PILRA: variants seen among roughly 807,000 people sequenced by gnomAD.
PILRA encodes paired immunoglobulin-like type 2 receptor alpha.
A neutral mutation model predicts 33.1 loss-of-function variants in PILRA; 37 were observed. That is an observed-to-expected ratio of 1.12 (90% CI 0.86 to 1.47). The LOEUF (loss-of-function observed/expected upper bound fraction) is 1.47, where lower values mean the gene tolerates loss of function less well. Ranked by LOEUF, PILRA falls within the 40% of genes most tolerant of loss-of-function variation. PILRA has a pLI of 0.00. For synonymous variants in PILRA, 146 were observed against 149.9 expected, an observed-to-expected ratio of 0.97 and a Z score of 0.19; for missense variants, 312 against 376.2, an observed-to-expected ratio of 0.83 and a Z score of 1.41.
Position 100,381,245 on chromosome 7 carries a change from G to A in PILRA, c.454+6812G>A, listed in dbSNP as rs538730539. Among the ~76,000 whole-genome samples the A allele has an allele frequency of 2.6e-5, 4 of 152,156 alleles. No individual in the cohort carries two copies. The South Asian group carries it at 6.2e-4, about 24-fold the overall frequency. On this transcript the variant is annotated intron_variant, in intron 2 of 6. Coordinates refer to ENST00000198536, the MANE Select transcript of PILRA (RefSeq NM_013439.3). ...CGCGCCACTGCACTCCAGCCTGGGC[G>A]ACAGAGCGAGACTACCGTCTCACAA...
At chr7:100,387,656 C>A (rs190093868) in intron 2 of PILRA, among the ~76,000 whole-genome samples, 1 of 152,260 alleles carries the variant, frequency 6.6e-6, no homozygotes, top group African/African-American at 2.4e-5. Flanking sequence ...CAGTGAGGTA[C>A]GATTGCGCAC....
chr7:100,379,391 G>A (rs1393533410), intron 2 of PILRA, among the ~76,000 whole-genome samples: 12 of 151,998 alleles, frequency 7.9e-5, no homozygotes, highest in Admixed American at 7.9e-4. Context: ...AAAAAGGCCA[G>A]GTTTGGTGCC....
At chr7:100,384,714 G>A (rs1791218427) in intron 2 of PILRA, among the ~76,000 whole-genome samples, 1 of 152,146 alleles carries the variant, frequency 6.6e-6, no homozygotes, top group Non-Finnish European at 1.5e-5. Flanking sequence ...CTTGAGCCCA[G>A]GAGTTGGAGG....
intron 2 of PILRA, among the ~76,000 whole-genome samples, chr7:100,386,221 A>T (rs952770569): frequency 5.0e-4 from 76 of 152,282 alleles, no homozygotes; most frequent in South Asian, 8.3e-4. Context: ...ATTTAAAAAA[A>T]TTTTTTAGCT....
intron 5 of PILRA, 111 bp downstream of exon 5, chr7:100,399,451 C>A: frequency 7.3e-7 from 1 of 1,373,094 alleles, no homozygotes; most frequent in South Asian, 1.2e-5. Flanking sequence ...CTTTCCATTC[C>A]TTGCCCCTTG....
intron 3 of PILRA, 126 bp downstream of exon 3, chr7:100,390,232 A>AAGTCGG: frequency 1.3e-6 from 1 of 787,248 alleles, no homozygotes; most frequent in Non-Finnish European, 2.1e-6. Flanking sequence ...ACCGAGGCCG[A>AAGTCGG]CTTCGTGGCC....
In PILRA at chr7:100,399,629, G is replaced by A; in HGVS notation, c.789+17G>A. The stretch of plus-strand genomic sequence containing the variant: ...AATCCCAAGGTAAGCAATCAGACCA[G>A]GGCCTGAAGGAATTAAAGAGAAGCC... On this transcript the variant is annotated intron_variant, in intron 6 of 6. Coordinates refer to ENST00000198536, the MANE Select transcript of PILRA (RefSeq NM_013439.3). The A allele has an allele frequency of 1.2e-6, 2 of 1,613,892 alleles. No homozygotes were observed. Among genetic ancestry groups the A allele is most frequent in the Non-Finnish European group, 1.7e-6 (2 of 1,179,810 alleles).
intron 3 of PILRA, among the ~76,000 whole-genome samples, chr7:100,395,176 G>T (rs117887354): frequency 6.6e-6 from 1 of 152,304 alleles, no homozygotes; most frequent in Non-Finnish European, 1.5e-5. Context: ...TTTCTCCAGA[G>T]ATGATATATG....
At position 100,373,549 on chromosome 7, in the gene PILRA, G is replaced by A. The variant is rs1790864123; in HGVS notation, c.-108G>A. ...CCCCACAGCCCTCTTCGGAGCCTGA[G>A]CCCGGCTCTCCTCACTCACCTCAAC... is the stretch of plus-strand genomic sequence containing the variant. On this transcript the variant is annotated 5_prime_UTR_variant, in exon 1 of 7. Transcript: ENST00000198536. The A allele has an allele frequency of 7.8e-7, 1 of 1,289,416 alleles. No individual in the cohort carries two copies. 79.9% of individuals were successfully genotyped at this position (1,289,416 alleles called of 1,614,324 possible). A position where few individuals can be genotyped will look rare whatever the true frequency, so the allele number is the denominator to read the frequency against.
chr7:100,383,966 G>A (rs1407998371), intron 2 of PILRA, among the ~76,000 whole-genome samples: 1 of 152,104 alleles, frequency 6.6e-6, no homozygotes. Context: ...CATCCCTCTC[G>A]CTATGGTATG....
At chr7:100,382,840 A>G (rs1247625738) in intron 2 of PILRA, among the ~76,000 whole-genome samples, 3 of 152,184 alleles carry the variant, frequency 2.0e-5, no homozygotes, top group African/African-American at 7.2e-5. Context: ...GAGACCACGA[A>G]CCCATAAAAA....
intron 2 of PILRA, among the ~76,000 whole-genome samples, chr7:100,385,992 C>T (rs1356725004): frequency 4.1e-5 from 6 of 147,042 alleles, no homozygotes; most frequent in South Asian, 2.2e-4. Context: ...TGAGGTGGCA[C>T]GATCTCAGCT....
chr7:100,390,576 T>C (rs1485539731), intron 3 of PILRA, among the ~76,000 whole-genome samples: 1 of 152,216 alleles, frequency 6.6e-6, no homozygotes, highest in African/African-American at 2.4e-5. Context: ...TGTGGGGTTT[T>C]CAGTTGCCTC....
At chr7:100,386,559 C>T (rs1791259454) in intron 2 of PILRA, among the ~76,000 whole-genome samples, 1 of 151,952 alleles carries the variant, frequency 6.6e-6, no homozygotes, top group Non-Finnish European at 1.5e-5. Context: ...TCTCTGTTGC[C>T]CAGACTGGAG....
At chr7:100,390,560 TA>T (rs751005832) in intron 3 of PILRA, among the ~76,000 whole-genome samples, 5 of 152,278 alleles carry the variant, frequency 3.3e-5, no homozygotes, top group East Asian at 3.9e-4. Flanking sequence ...CTCAGGGAAC[TA>T]GGGGTGTGGG....
At chr7:100,397,969 G>A (rs1247831779) in intron 4 of PILRA, 57 bp downstream of exon 4, 5 of 1,561,918 alleles carry the variant, frequency 3.2e-6, no homozygotes, top group South Asian at 1.1e-5. Flanking sequence ...GCAGTGGGCT[G>A]ATTTGGGAAA....
intron 2 of PILRA, among the ~76,000 whole-genome samples, chr7:100,382,734 C>T (rs1366080951): frequency 3.3e-5 from 5 of 152,122 alleles, no homozygotes; most frequent in African/African-American, 1.2e-4. Context: ...GCTTTTTGCA[C>T]TAAGTCTTGC....
At chr7:100,373,870 TCCC>T (rs1221341079) in intron 1 of PILRA, 150 bp downstream of exon 1, 1 of 1,247,306 alleles carries the variant, frequency 8.0e-7, no homozygotes, top group Non-Finnish European at 1.1e-6. Context: ...CCCCATCCTC[TCCC>T]CCTCCTCCCT....
chr7:100,394,998 T>A (rs1791466218), intron 3 of PILRA, among the ~76,000 whole-genome samples: 1 of 152,144 alleles, frequency 6.6e-6, no homozygotes, highest in Non-Finnish European at 1.5e-5. Flanking sequence ...TGTTTTTTCA[T>A]TACAGGACAC....
Sources: allele counts gnomAD v4.1 joint callset (sites outside exome capture counted in the v4.1 genomes callset), GRCh38; gene constraint gnomAD v4.1.1; transcripts MANE v1.5; gene names NCBI Gene and HGNC (gene_info 2026-07-23, HGNC 2026-07-21).